GPM6A: variants seen among roughly 807,000 people sequenced by gnomAD.
GPM6A encodes the protein neuronal membrane glycoprotein M6-a.
A neutral mutation model predicts 32.1 loss-of-function variants in GPM6A; 7 were observed. The ratio of observed to expected loss-of-function variants is 0.22; its 90% CI spans 0.12 to 0.41. The LOEUF is 0.41. Among genes scored for constraint, GPM6A ranks in the 10% least tolerant of loss-of-function variants. The pLI is 1.00. For synonymous variants in GPM6A, 130 were observed against 123.4 expected, an observed-to-expected ratio of 1.05 and a Z score of -0.35; for missense variants, 235 against 347.2, an observed-to-expected ratio of 0.68 and a Z score of 2.57.
At chr4:175,841,296 T>C (rs1042001552) in intron 1 of GPM6A, among the ~76,000 whole-genome samples, 1 of 152,178 alleles carries the variant, frequency 6.6e-6, no homozygotes, top group South Asian at 2.1e-4. Flanking sequence ...TGGAAATGGA[T>C]TCTGGAATTC....
intron 1 of GPM6A, among the ~76,000 whole-genome samples, chr4:175,709,562 T>A (rs1042091865): frequency 1.3e-5 from 2 of 151,958 alleles, no homozygotes; most frequent in Non-Finnish European, 2.9e-5. Context: ...ACCCCATCTC[T>A]GCTAAAAATA....
chr4:175,786,678 GTTC>G (rs1553989304), intron 1 of GPM6A, among the ~76,000 whole-genome samples: 1 of 151,972 alleles, frequency 6.6e-6, no homozygotes, highest in Non-Finnish European at 1.5e-5. Context: ...TGCCTTATCA[GTTC>G]TTCTTGTCCA....
intron 1 of GPM6A, among the ~76,000 whole-genome samples, chr4:175,918,374 G>A (rs1738561433): frequency 1.3e-5 from 2 of 151,930 alleles, no homozygotes; most frequent in Non-Finnish European, 2.9e-5. Context: ...GGCTTTAGGA[G>A]AAAAAATAGA....
chr4:175,809,615 G>T (rs926592873), intron 1 of GPM6A, among the ~76,000 whole-genome samples: 5 of 152,066 alleles, frequency 3.3e-5, no homozygotes, highest in Admixed American at 6.6e-5. Context: ...GAACACAATG[G>T]CTGGTGGGTG....
intron 1 of GPM6A, among the ~76,000 whole-genome samples, chr4:175,912,751 C>T (rs1419233293): frequency 1.3e-5 from 2 of 152,238 alleles, no homozygotes; most frequent in Middle Eastern, 3.4e-3. Flanking sequence ...ACTGTCTCAG[C>T]CTTATCTCCT....
Position 175,643,873 on chromosome 4 carries a change from A to C in GPM6A, c.542-3044T>G, listed in dbSNP as rs556807159. Among the ~76,000 whole-genome samples the C allele has an allele frequency of 7.2e-5, 11 of 152,276 alleles. No homozygotes were observed. The South Asian group carries it at 2.3e-3, about 32-fold the overall frequency. Reference sequence around the variant, plus strand: ...ACCTTCCTCTAGGAACACTCAAATGAGCATGTGTGCAACTCCAGAAAACAC... The same window carrying C: ...ACCTTCCTCTAGGAACACTCAAATGCGCATGTGTGCAACTCCAGAAAACAC... On this transcript the variant is annotated intron_variant, in intron 4 of 6. Transcript: ENST00000393658.
intron 1 of GPM6A, among the ~76,000 whole-genome samples, chr4:175,736,650 T>A (rs1223540680): frequency 6.6e-6 from 1 of 152,246 alleles, no homozygotes; most frequent in Non-Finnish European, 1.5e-5. Context: ...AGCCTTCAGA[T>A]TTATTTTAAC....
chr4:175,808,240 T>C (rs553553436), intron 1 of GPM6A, among the ~76,000 whole-genome samples: 3 of 152,284 alleles, frequency 2.0e-5, no homozygotes, highest in African/African-American at 7.2e-5. Flanking sequence ...CTGTACTGTA[T>C]ATTAAATATA....
At chr4:175,841,419 G>T (rs961116878) in intron 1 of GPM6A, among the ~76,000 whole-genome samples, 1 of 152,022 alleles carries the variant, frequency 6.6e-6, no homozygotes, top group African/African-American at 2.4e-5. Context: ...CCAGGATCTT[G>T]AGAAATCCTA....
At chr4:175,684,643 C>T (rs1220215489) in intron 2 of GPM6A, among the ~76,000 whole-genome samples, 1 of 151,964 alleles carries the variant, frequency 6.6e-6, no homozygotes, top group Non-Finnish European at 1.5e-5. Flanking sequence ...ATCATCTTTG[C>T]TGCAATGATT....
chr4:175,848,183 G>A (rs73008161), intron 1 of GPM6A, among the ~76,000 whole-genome samples: 3,891 of 152,144 alleles, frequency 0.026, 153 homozygotes, highest in African/African-American at 0.086. Flanking sequence ...GCATTCTAGC[G>A]CTCAAGCTTT....
intron 4 of GPM6A, among the ~76,000 whole-genome samples, chr4:175,644,894 G>T (rs375811224): frequency 6.6e-6 from 1 of 151,968 alleles, no homozygotes; most frequent in East Asian, 1.9e-4. Context: ...ATCAGCTGAG[G>T]TCAGGAGTTC....
At chr4:175,899,189 T>C (rs73871260) in intron 1 of GPM6A, among the ~76,000 whole-genome samples, 223 of 152,284 alleles carry the variant, frequency 1.5e-3, no homozygotes, top group African/African-American at 5.2e-3. Flanking sequence ...AACTGTATTA[T>C]GTAATTTTGT....
At chr4:175,637,757 A>T (rs1278344299) in intron 6 of GPM6A, among the ~76,000 whole-genome samples, 9 of 87,918 alleles carry the variant, frequency 1.0e-4, no homozygotes, top group African/African-American at 4.1e-4. Context: ...TATAATATAT[A>T]ATATAAAAAT....
intron 1 of GPM6A, among the ~76,000 whole-genome samples, chr4:175,914,110 A>C (rs1348234510): frequency 6.6e-6 from 1 of 151,842 alleles, no homozygotes; most frequent in South Asian, 2.1e-4. Flanking sequence ...TCCACATTTA[A>C]GGGAGGAAAA....
At chr4:175,886,509 T>A (rs533838778) in intron 1 of GPM6A, among the ~76,000 whole-genome samples, 21 of 152,238 alleles carry the variant, frequency 1.4e-4, no homozygotes, top group African/African-American at 4.1e-4. Context: ...ACAAGTATGA[T>A]GAAGTCACTG....
intron 1 of GPM6A, among the ~76,000 whole-genome samples, chr4:175,770,029 T>TTTTG (rs781371288): frequency 1.3e-5 from 2 of 152,098 alleles, no homozygotes; most frequent in African/African-American, 4.8e-5. Context: ...GATACCCAGT[T>TTTTG]TTTTGTTTTG....
chr4:175,745,749 A>G (rs139614399), intron 1 of GPM6A, among the ~76,000 whole-genome samples: 3 of 152,350 alleles, frequency 2.0e-5, no homozygotes, highest in African/African-American at 7.2e-5. Context: ...TGGGGAGAGA[A>G]ATAACATCAC....
chr4:175,914,167 G>T lies in GPM6A; in HGVS notation c.-23+88142C>A, dbSNP rs553941609. On this transcript the variant is annotated intron_variant, in intron 1 of 7. Transcript: ENST00000280187. ...AAAAGGAAAAAAAAATGTGTGGGGG[G>T]GGTAGGGATATGTAGTGAGGTGAGT... Among the ~76,000 whole-genome samples, 6 of 152,150 alleles carry T rather than the reference G, an allele frequency of 3.9e-5. No homozygotes were observed. In the South Asian group the frequency reaches 1.0e-3, roughly 26 times the overall value.
Sources: gnomAD v4.1 joint callset for allele counts (sites outside exome capture counted in the v4.1 genomes callset) on GRCh38, gnomAD v4.1.1 for gene constraint, MANE v1.5 for transcripts, NCBI Gene and HGNC (gene_info 2026-07-23, HGNC 2026-07-21) for gene names.